ST8SIA1: variants seen among roughly 807,000 people sequenced by gnomAD.
ST8SIA1 encodes the protein alpha-N-acetylneuraminide alpha-2,8-sialyltransferase.
In ST8SIA1, 16 loss-of-function variants were observed where a neutral mutation model predicts 35.9. That is an observed-to-expected ratio of 0.45 (90% CI 0.30 to 0.68). The LOEUF (loss-of-function observed/expected upper bound fraction) is 0.68, where lower values mean the gene tolerates loss of function less well. ST8SIA1 is among the 30% of genes least tolerant of loss of function. The pLI is 0.09. For synonymous variants in ST8SIA1, 170 were observed against 169.6 expected, an observed-to-expected ratio of 1.00 and a Z score of -0.02; for missense variants, 383 against 453.6, an observed-to-expected ratio of 0.84 and a Z score of 1.41.
chr12:22,275,759 G>A (rs1236734543), intron 2 of ST8SIA1, among the ~76,000 whole-genome samples: 1 of 152,234 alleles, frequency 6.6e-6, no homozygotes, highest in Admixed American at 6.5e-5. Context: ...GTGGGCTCCT[G>A]TAGAGCTGCA....
intron 4 of ST8SIA1, among the ~76,000 whole-genome samples, chr12:22,222,933 G>A (rs1865316196): frequency 6.6e-6 from 1 of 152,130 alleles, no homozygotes; most frequent in African/African-American, 2.4e-5. Flanking sequence ...CATGCCTGAT[G>A]TGAAAGAGCC....
chr12:22,241,030 C>G (rs796630889), intron 4 of ST8SIA1, among the ~76,000 whole-genome samples: 96 of 142,616 alleles, frequency 6.7e-4, no homozygotes, highest in African/African-American at 2.3e-3. Flanking sequence ...CCAGGCAAGA[C>G]TGCAATCATG....
intron 1 of ST8SIA1, among the ~76,000 whole-genome samples, chr12:22,322,339 G>C (rs1047156118): frequency 6.6e-6 from 1 of 152,196 alleles, no homozygotes; most frequent in Non-Finnish European, 1.5e-5. Context: ...CTATCGCTCT[G>C]TTCTCAGTAA....
chr12:22,302,078 G>A (rs1866325395), intron 1 of ST8SIA1, among the ~76,000 whole-genome samples: 1 of 152,136 alleles, frequency 6.6e-6, no homozygotes, highest in Admixed American at 6.6e-5. Flanking sequence ...TAGGAAACTG[G>A]AGACAGAAAA....
chr12:22,299,565 T>A (rs189530913), intron 1 of ST8SIA1, among the ~76,000 whole-genome samples: 72 of 152,242 alleles, frequency 4.7e-4, no homozygotes, highest in Non-Finnish European at 8.4e-4. Flanking sequence ...AGATGATTTA[T>A]TAAAAAAATT....
At chr12:22,215,987 T>C (rs555690562) in intron 4 of ST8SIA1, among the ~76,000 whole-genome samples, 1 of 152,276 alleles carries the variant, frequency 6.6e-6, no homozygotes, top group Admixed American at 6.5e-5. Context: ...TAAATGACAG[T>C]GCAGAATAGA....
intron 2 of ST8SIA1, among the ~76,000 whole-genome samples, chr12:22,259,865 C>T (rs891367543): frequency 2.0e-5 from 3 of 152,130 alleles, no homozygotes; most frequent in African/African-American, 7.2e-5. Context: ...TCCATGTTTT[C>T]CAGAATGATG....
chr12:22,273,211 G>A (rs913321334), intron 2 of ST8SIA1, among the ~76,000 whole-genome samples: 11 of 152,290 alleles, frequency 7.2e-5, no homozygotes, highest in African/African-American at 2.6e-4. Flanking sequence ...TCCTCGGACT[G>A]GATTGAGACC....
chr12:22,214,165 A>G (rs1865208450), intron 4 of ST8SIA1, among the ~76,000 whole-genome samples: 1 of 152,190 alleles, frequency 6.6e-6, no homozygotes, highest in African/African-American at 2.4e-5. Flanking sequence ...CAAAGGAGAC[A>G]GAGCTGCAGC....
At chr12:22,286,552 C>G (rs1319235628) in intron 2 of ST8SIA1, 7 of 516,494 alleles carry the variant, frequency 1.4e-5, no homozygotes, top group South Asian at 8.4e-5. Context: ...CCTTTTCCCC[C>G]CTCTTGCTGC....
chr12:22,285,661 C>T (rs546138544), intron 2 of ST8SIA1, among the ~76,000 whole-genome samples: 7 of 152,046 alleles, frequency 4.6e-5, no homozygotes, highest in Non-Finnish European at 1.0e-4. Flanking sequence ...CACTTGAGGT[C>T]CGGAGTTCGA....
intron 4 of ST8SIA1, among the ~76,000 whole-genome samples, chr12:22,245,551 T>G (rs570087662): frequency 6.6e-6 from 1 of 152,258 alleles, no homozygotes; most frequent in African/African-American, 2.4e-5. Context: ...GTGCAACACA[T>G]GAATCATGGA....
chr12:22,219,077 C>A (rs1421555280), intron 4 of ST8SIA1, among the ~76,000 whole-genome samples: 1 of 152,026 alleles, frequency 6.6e-6, no homozygotes, highest in African/African-American at 2.4e-5. Context: ...CCTCTCTATA[C>A]TCTAATTTAA....
intron 4 of ST8SIA1, among the ~76,000 whole-genome samples, chr12:22,210,832 G>A (rs755549638): frequency 7.9e-5 from 12 of 152,198 alleles, no homozygotes; most frequent in Non-Finnish European, 1.6e-4. Context: ...TTAACAGGAT[G>A]TGTAAAAAGA....
intron 1 of ST8SIA1, among the ~76,000 whole-genome samples, chr12:22,302,287 C>T (rs1332053125): frequency 6.6e-6 from 1 of 152,106 alleles, no homozygotes; most frequent in Non-Finnish European, 1.5e-5. Flanking sequence ...TAAAAACTAA[C>T]CTTTGCTTTC....
At chr12:22,303,562 T>C (rs982111170) in intron 1 of ST8SIA1, among the ~76,000 whole-genome samples, 5 of 152,216 alleles carry the variant, frequency 3.3e-5, no homozygotes, top group Non-Finnish European at 7.3e-5. Flanking sequence ...AACAACCAGC[T>C]GGTTTTAATT....
intron 4 of ST8SIA1, among the ~76,000 whole-genome samples, chr12:22,222,094 CA>C (rs201363254): frequency 6.1e-4 from 92 of 150,716 alleles, no homozygotes; most frequent in African/African-American, 1.8e-3. Flanking sequence ...GAATAAATTT[CA>C]AAAAAAAAGT....
In ST8SIA1 at chr12:22,265,254, AG is replaced by A. The variant is rs3216630; in HGVS notation, c.382-9866del. Among the ~76,000 whole-genome samples the A allele has an allele frequency of 5.3e-5, 8 of 152,342 alleles. No homozygotes were observed. In the East Asian group the frequency reaches 1.5e-3, roughly 29 times the overall value. ...GGAAAGGGAAGGAAATACGAAGGGCAGGCCCAACATTTCAAAGGTAGGGCCA... is the reference window on the plus strand; with the variant it reads ...GGAAAGGGAAGGAAATACGAAGGGCAGCCCAACATTTCAAAGGTAGGGCCA... On this transcript the variant is annotated intron_variant, in intron 2 of 4. Transcript: ENST00000396037.
rs757535846 is a variant in ST8SIA1 at position 22,200,571 on chromosome 12, A to G, written c.*981T>C. ...AATTCATTCTTGCATGTATGCATACATGTCCTTTACCTTGCAGTGAATATG... is the reference window on the plus strand; with the variant it reads ...AATTCATTCTTGCATGTATGCATACGTGTCCTTTACCTTGCAGTGAATATG... On this transcript the variant is annotated 3_prime_UTR_variant, in exon 5 of 5. Transcript: ENST00000396037. The G allele has an allele frequency of 3.9e-5, 6 of 152,212 alleles. No homozygotes were observed. The highest frequency in any genetic ancestry group is 5.9e-5 in the Non-Finnish European group (4 of 68,032). 9.4% of individuals were successfully genotyped at this position (152,212 alleles called of 1,614,324 possible).
Sources: gnomAD v4.1 joint callset for allele counts (sites outside exome capture counted in the v4.1 genomes callset) on GRCh38, gnomAD v4.1.1 for gene constraint, MANE v1.5 for transcripts, NCBI Gene and HGNC (gene_info 2026-07-23, HGNC 2026-07-21) for gene names.